HTR7: variants seen among roughly 807,000 people sequenced by gnomAD.
HTR7 encodes the protein 5-HT-7.
HTR7 carries 16 observed loss-of-function variants against 34.0 expected under a neutral mutation model. That is an observed-to-expected ratio of 0.47 (90% CI 0.32 to 0.71). HTR7 has a LOEUF of 0.71. Among genes scored for constraint, HTR7 ranks in the 30% least tolerant of loss-of-function variants. The pLI is 0.04. For missense variants in HTR7, 504 were observed against 625.5 expected (o/e 0.81, Z 2.07); for synonymous variants, 265 against 260.2 (o/e 1.02, Z -0.18).
At chr10:90,789,699 T>A (rs191850716) in intron 1 of HTR7, among the ~76,000 whole-genome samples, 77 of 152,178 alleles carry the variant, frequency 5.1e-4, no homozygotes, top group Non-Finnish European at 7.8e-4. Flanking sequence ...AAAAAATCAC[T>A]AGGGAAAGCA....
In HTR7 at chr10:90,857,747, C is replaced by T. The variant is rs1846617704; in HGVS notation, c.-76G>A. On this transcript the variant is annotated 5_prime_UTR_variant, in exon 1 of 4. It adds an upstream start codon to the 5' untranslated region. Coordinates refer to ENST00000336152, the MANE Select transcript of HTR7 (RefSeq NM_019859.4). This position sits in a 1 kb window ranked among gnomAD's most constrained non-coding sequence, Gnocchi z 6.5. ...TCCGGCTGCCGGCCCCGGGGCTTCA[C>T]CTCACCGGTTCCGCTCCGCCCGGCC... 3 of 1,360,252 alleles carry T rather than the reference C, an allele frequency of 2.2e-6. No homozygotes were observed. The highest frequency in any genetic ancestry group is 2.8e-6 in the Non-Finnish European group (3 of 1,055,838). The allele number at this position is 1,360,252 out of a possible 1,614,324, so 84.3% of individuals were successfully genotyped here.
At position 90,749,380 on chromosome 10, in the gene HTR7, T is replaced by A. The variant is rs1336325024; in HGVS notation, c.754A>T (p.Met252Leu). 5 of 1,613,966 alleles carry A rather than the reference T, an allele frequency of 3.1e-6. No homozygotes were observed. In the African/African-American group the frequency reaches 4.0e-5, roughly 13 times the overall value. The change falls in exon 2 of 4, where the codon ATG (methionine) becomes TTG (leucine). Residue 252 changes from methionine to leucine, a missense_variant. Met to Leu is a conservative substitution (Grantham distance 15). This residue lies in a region of HTR7 where 154 missense variants were observed against 248.8 expected (regional missense o/e 0.62). Transcript: ENST00000336152. The surrounding 1 kb of genome is among the most constrained non-coding windows in gnomAD (Gnocchi z 4.2). ...TAGTACATGAAAAGCATGACGGACATGGGGATATAAAATGCCACTGCGGTA... is the reference window on the plus strand; with the variant it reads ...TAGTACATGAAAAGCATGACGGACAAGGGGATATAAAATGCCACTGCGGTA... ...YSTAVAFYIP[M>L]SVMLFMYYQI...
Position 90,759,112 on chromosome 10 carries a change from G to A in HTR7, c.540-9518C>T, listed in dbSNP as rs537187018. Among the ~76,000 whole-genome samples the A allele has an allele frequency of 5.3e-5, 8 of 151,654 alleles. 1 individual carries two copies. In the South Asian group the frequency reaches 1.5e-3, roughly 28 times the overall value. On this transcript the variant is annotated intron_variant, in intron 1 of 3. Transcript: ENST00000336152. ...TGAGGCAGGAGAATTGCTTGAACCC[G>A]GGAGGTGGAGGTTGCGGTGAGCCGA... is the stretch of plus-strand genomic sequence containing the variant.
chr10:90,837,063 T>C (rs1036744203), intron 1 of HTR7, among the ~76,000 whole-genome samples: 1 of 152,134 alleles, frequency 6.6e-6, no homozygotes, highest in Non-Finnish European at 1.5e-5. Flanking sequence ...CTCTGGACTT[T>C]CCTGGCCCCA....
chr10:90,823,421 G>A (rs528487340), intron 1 of HTR7, among the ~76,000 whole-genome samples: 20 of 152,240 alleles, frequency 1.3e-4, no homozygotes, highest in African/African-American at 3.4e-4. Context: ...TATTTGTTTC[G>A]GCTGATTTCT....
chr10:90,741,133 G>A lies in HTR7; in HGVS notation c.*1349C>T, dbSNP rs1387228383. 6.6e-6 allele frequency: 1 copy of A among 152,536 alleles called. No individual in the cohort carries two copies. The highest frequency in any genetic ancestry group is 2.1e-4 in the South Asian group (1 of 4,820). 9.4% of individuals were successfully genotyped at this position (152,536 alleles called of 1,614,324 possible). ...CAGAATTCCACTTTATCCTGTGAGA[G>A]GACAGCTTGCTTTATTGTAGGAAAA... On this transcript the variant is annotated 3_prime_UTR_variant, in exon 4 of 4. Transcript: ENST00000336152.
At chr10:90,808,544 A>T (rs1183423207) in intron 1 of HTR7, among the ~76,000 whole-genome samples, 1 of 150,188 alleles carries the variant, frequency 6.7e-6, no homozygotes, top group Non-Finnish European at 1.5e-5. Context: ...CCACGCCCCA[A>T]CCTGTTATAT....
Position 90,832,545 on chromosome 10 carries a change from G to A in HTR7, c.539+24588C>T, listed in dbSNP as rs117960205. Among the ~76,000 whole-genome samples the A allele has an allele frequency of 1.5e-3, 232 of 152,270 alleles. 3 individuals carry two copies. In the East Asian group the frequency reaches 0.023, roughly 15 times the overall value. On this transcript the variant is annotated intron_variant, in intron 1 of 3. Transcript: ENST00000336152. The stretch of plus-strand genomic sequence containing the variant: ...AGCTCCATGCACAGCCCCGGTTCCC[G>A]CTCGTGCCTCTCTCTCCACACCTTC...
intron 1 of HTR7, among the ~76,000 whole-genome samples, chr10:90,816,818 G>A (rs1277643510): frequency 6.6e-6 from 1 of 152,118 alleles, no homozygotes; most frequent in African/African-American, 2.4e-5. Context: ...TGGAAGAAGC[G>A]GGCACATGAA....
At position 90,795,120 on chromosome 10, in the gene HTR7, A is replaced by C. The variant is rs563230027; in HGVS notation, c.540-45526T>G. ...TGTGGATAATGCTGCAATGAACATG[A>C]GATTGCAGATATCTCATCAACATAC... On this transcript the variant is annotated intron_variant, in intron 1 of 3. Coordinates refer to ENST00000336152, the MANE Select transcript of HTR7 (RefSeq NM_019859.4). Among the ~76,000 whole-genome samples, 23 of 152,318 alleles carry C rather than the reference A, an allele frequency of 1.5e-4. No individual in the cohort carries two copies. The South Asian group carries it at 1.9e-3, about 12-fold the overall frequency.
In HTR7 at chr10:90,748,980, G is replaced by A; in HGVS notation, c.1154C>T (p.Ala385Val). 6.2e-7 allele frequency: 1 copy of A among 1,614,100 alleles called. No homozygotes were observed. Among genetic ancestry groups the A allele is most frequent in the Non-Finnish European group, 8.5e-7 (1 of 1,180,014 alleles). Residue 385 changes from alanine to valine, a missense_variant, in exon 2 of 4, where the codon GCC becomes GTC. This residue lies in a region of HTR7 where 154 missense variants were observed against 212.1 expected (regional missense o/e 0.73). Coordinates refer to ENST00000336152, the MANE Select transcript of HTR7 (RefSeq NM_019859.4). The stretch of plus-strand genomic sequence containing the variant: ...GGTCCTCAGGTCCCGGTTGAAGAAG[G>A]CATATATAAAAGGGTTAATGAGAGA... ...ANSLINPFIYAFFNRDLRTTY... is the reference protein window; with the variant it reads ...ANSLINPFIYVFFNRDLRTTY...
chr10:90,805,204 G>C (rs939263840), intron 1 of HTR7, among the ~76,000 whole-genome samples: 1 of 152,110 alleles, frequency 6.6e-6, no homozygotes, highest in Non-Finnish European at 1.5e-5. Context: ...TTACTATAGG[G>C]GGCTACTCAT....
chr10:90,744,561 T>C (rs11186297), intron 2 of HTR7, among the ~76,000 whole-genome samples: 87,229 of 139,028 alleles, frequency 0.63, 28,324 homozygotes, highest in African/African-American at 0.85. Context: ...GCATTAAGGA[T>C]TAGGTACTTC....
intron 1 of HTR7, among the ~76,000 whole-genome samples, chr10:90,835,299 T>G (rs1846238014): frequency 6.6e-6 from 1 of 152,178 alleles, no homozygotes; most frequent in Non-Finnish European, 1.5e-5. Flanking sequence ...TGACCACCCT[T>G]ACAGGAAGAC....
In HTR7 at chr10:90,743,674, T is replaced by A. The variant is rs1212700546; in HGVS notation, c.1312A>T (p.Arg438Trp). The change falls in exon 3 of 4, where the codon AGG becomes TGG. Residue 438 changes from arginine (R) to tryptophan (W), a missense_variant. Arg to Trp is a moderately radical substitution (Grantham distance 101). This residue lies in a region of HTR7 where 154 missense variants were observed against 212.1 expected (regional missense o/e 0.73). Transcript: ENST00000336152. ...CTCTTTTCTGGTCTCAACAGCACCC[T>A]CCTTGTGCAGGCCCTCCTGCAATTT... ...PEFVLRACTRRVLLRPEKRPP... is the reference protein window; with the variant it reads ...PEFVLRACTRWVLLRPEKRPP... 6.2e-7 allele frequency: 1 copy of A among 1,613,532 alleles called. No homozygotes were observed. The highest frequency in any genetic ancestry group is 1.3e-5 in the African/African-American group (1 of 74,902).
intron 1 of HTR7, among the ~76,000 whole-genome samples, chr10:90,809,630 G>A (rs1263162715): frequency 6.6e-6 from 1 of 152,136 alleles, no homozygotes; most frequent in Non-Finnish European, 1.5e-5. Context: ...CAGCACACAA[G>A]AACTTCCAAA....
chr10:90,788,251 C>A (rs1422873973), intron 1 of HTR7, among the ~76,000 whole-genome samples: 1 of 152,158 alleles, frequency 6.6e-6, no homozygotes, highest in East Asian at 1.9e-4. Context: ...GATAACCCCC[C>A]AGATTTACCA....
intron 1 of HTR7, among the ~76,000 whole-genome samples, chr10:90,785,142 T>A (rs1277847853): frequency 6.6e-6 from 1 of 152,202 alleles, no homozygotes; most frequent in East Asian, 1.9e-4. Context: ...ATAAGACGCA[T>A]TAGCACAAGA....
chr10:90,756,914 T>C (rs893468744), intron 1 of HTR7, among the ~76,000 whole-genome samples: 3 of 152,166 alleles, frequency 2.0e-5, no homozygotes, highest in Non-Finnish European at 4.4e-5. Context: ...TACAAAGTCA[T>C]GAAAATGAAT....
Sources: allele counts gnomAD v4.1 joint callset (sites outside exome capture counted in the v4.1 genomes callset), GRCh38; gene constraint gnomAD v4.1.1; regional missense constraint gnomAD v4.1.1; non-coding constraint Gnocchi (gnomAD v3.1); transcripts MANE v1.5; gene names NCBI Gene and HGNC (gene_info 2026-07-23, HGNC 2026-07-21).